Variants in ATAD5 observed in about 807,000 individuals in gnomAD.
ATAD5 encodes the protein ATPase family AAA domain-containing protein 5.
A neutral mutation model predicts 176.9 loss-of-function variants in ATAD5; 58 were observed. The ratio of observed to expected loss-of-function variants is 0.33; its 90% CI spans 0.27 to 0.41. The LOEUF (loss-of-function observed/expected upper bound fraction) is 0.41, where lower values mean the gene tolerates loss of function less well. Among genes scored for constraint, ATAD5 ranks in the 10% least tolerant of loss-of-function variants. The pLI is 1.00. For missense variants in ATAD5, 1,789 were observed against 2,094.1 expected (o/e 0.85, Z 2.84); for synonymous variants, 640 against 712.6 (o/e 0.90, Z 1.62).
intron 11 of ATAD5, among the ~76,000 whole-genome samples, chr17:30,867,861 T>C (rs1253711260): frequency 1.3e-5 from 2 of 152,222 alleles, no homozygotes; most frequent in African/African-American, 4.8e-5. Flanking sequence ...TGCCTCCGCC[T>C]TCCAAAGTGC....
chr17:30,840,763 G>T lies in ATAD5; in HGVS notation c.2223G>T (p.Lys741Asn). 2.5e-6 allele frequency: 4 copies of T among 1,599,332 alleles called. No homozygotes were observed. In the South Asian group the frequency reaches 4.6e-5, roughly 18 times the overall value. The change falls in exon 4 of 23, where the codon AAG (lysine) becomes AAT (asparagine). Residue 741 changes from lysine (K) to asparagine (N), a missense_variant. By Grantham distance (94) the Lys-to-Asn change is moderately conservative. Coordinates refer to ENST00000321990, the MANE Select transcript of ATAD5 (RefSeq NM_024857.5). ...SSRHQTLPERKKLSETEDSVI... is the reference protein window; with the variant it reads ...SSRHQTLPERNKLSETEDSVI... ...GACATCAGACACTTCCTGAAAGGAA[G>T]AAATTGTCAGAAACAGAAGTAAGTA...
At chr17:30,879,303 C>G in intron 17 of ATAD5, 120 bp from the exon 18 acceptor site, 1 of 1,087,848 alleles carries the variant, frequency 9.2e-7, no homozygotes, top group Non-Finnish European at 1.3e-6. Flanking sequence ...CACCACAGCA[C>G]TAGGCAGTGG....
chr17:30,862,259 G>C (rs1907681616), intron 10 of ATAD5, among the ~76,000 whole-genome samples: 1 of 151,032 alleles, frequency 6.6e-6, no homozygotes, highest in Non-Finnish European at 1.5e-5. Flanking sequence ...GCTTGAACCT[G>C]GGAGGCGGAG....
chr17:30,870,178 T>C (rs2142399861), intron 14 of ATAD5, among the ~76,000 whole-genome samples: 1 of 152,390 alleles, frequency 6.6e-6, no homozygotes. Flanking sequence ...ATGTCAATTT[T>C]CTGTTGTTTC....
rs1032239094 is a variant in ATAD5 at position 30,874,670 on chromosome 17, G to A, written c.3608-1704G>A. On this transcript the variant is annotated intron_variant, in intron 14 of 22. Transcript: ENST00000321990. Reference sequence around the variant, plus strand: ...ATTTGAGATGGAGTCTTGGTCTGTCGCCCAGGCAGCAGTGCAGTGGAGCGA... The same window carrying A: ...ATTTGAGATGGAGTCTTGGTCTGTCACCCAGGCAGCAGTGCAGTGGAGCGA... Among the ~76,000 whole-genome samples, 161 of 143,642 alleles carry A rather than the reference G, an allele frequency of 1.1e-3. 1 individual carries two copies. Among genetic ancestry groups the A allele is most frequent in the Non-Finnish European group, 4.5e-4 (30 of 66,288 alleles). 94.2% of individuals were successfully genotyped at this position (143,642 alleles called of 152,430 possible).
intron 14 of ATAD5, among the ~76,000 whole-genome samples, chr17:30,870,174 A>G (rs914591401): frequency 2.6e-5 from 4 of 152,190 alleles, no homozygotes; most frequent in African/African-American, 9.6e-5. Flanking sequence ...TCTAATGTCA[A>G]TTTTCTGTTG....
rs762662304 is a variant in ATAD5 at position 30,856,943 on chromosome 17, A to G, written c.2636-12A>G. 4.5e-6 allele frequency: 7 copies of G among 1,560,480 alleles called. No homozygotes were observed. Among genetic ancestry groups the G allele is most frequent in the African/African-American group, 2.8e-5 (2 of 71,748 alleles). On this transcript the variant is annotated splice_polypyrimidine_tract_variant and intron_variant, in intron 7 of 22. Transcript: ENST00000321990. Reference sequence around the variant, plus strand: ...ATAAGGTTTATTAAGATATTTGTCTATTTTTCTTTAGGGTGTTGTTTGTGG... The same window carrying G: ...ATAAGGTTTATTAAGATATTTGTCTGTTTTTCTTTAGGGTGTTGTTTGTGG...
rs763728393 is a variant in ATAD5 at position 30,832,395 on chromosome 17, G to T, written c.48G>T (p.Val16=). The change falls in exon 1 of 23, where the codon GTG becomes GTT. Residue 16 remains valine, a synonymous_variant. Coordinates refer to ENST00000321990, the MANE Select transcript of ATAD5 (RefSeq NM_024857.5). ...CGGCTGCAGCTGCTCCGCCTCCCGT[G>T]AAGGACTGCGAGATTGAGGTGAGGT... ...AMAAAAAPPP[V]KDCEIEPCKK... The T allele has an allele frequency of 1.9e-6, 3 of 1,563,698 alleles. No individual in the cohort carries two copies. The South Asian group carries it at 3.5e-5, about 18-fold the overall frequency.
rs199612678 is a variant in ATAD5 at position 30,869,257 on chromosome 17, G to T, written c.3323G>T (p.Gly1108Val). The change falls in exon 13 of 23, where the codon GGT becomes GTT. Residue 1108 changes from glycine (G) to valine (V), a missense_variant. Coordinates refer to ENST00000321990, the MANE Select transcript of ATAD5 (RefSeq NM_024857.5). ...KRDEKHEDFS[G>V]GIDFKGSSDD... ...TTGAATAATTTTTCAGATTTCTCGG[G>T]TGGCATAGACTTTAAAGGCAGTTCA... 1.1e-4 allele frequency: 183 copies of T among 1,597,898 alleles called. No homozygotes were observed. The highest frequency in any genetic ancestry group is 1.4e-4 in the Non-Finnish European group (169 of 1,176,222).
At chr17:30,888,833 C>T (rs948742764) in intron 19 of ATAD5, among the ~76,000 whole-genome samples, 4 of 151,846 alleles carry the variant, frequency 2.6e-5, no homozygotes, top group African/African-American at 7.3e-5. Flanking sequence ...TTTGGAAGGC[C>T]GAGGCGGTTA....
chr17:30,886,372 T>TTTTATTTA (rs138195442), intron 18 of ATAD5, among the ~76,000 whole-genome samples: 182 of 146,560 alleles, frequency 1.2e-3, no homozygotes, highest in East Asian at 5.0e-3. Flanking sequence ...AATTGAATTA[T>TTTTATTTA]TTTATTTATT....
At chr17:30,878,121 GTTAAACAGTTACTCAAATCTGTAGT>G in intron 17 of ATAD5, 25 bp downstream of exon 17, 3 of 1,455,128 alleles carry the variant, frequency 2.1e-6, no homozygotes, top group Non-Finnish European at 2.9e-6. Flanking sequence ...TTTTACTTCA[GTTAAACAGTTACTCAAATCTGTAGT>G]TCATCTGCAG....
intron 18 of ATAD5, among the ~76,000 whole-genome samples, chr17:30,886,517 A>G (rs1448674871): frequency 6.6e-6 from 1 of 151,856 alleles, no homozygotes; most frequent in Non-Finnish European, 1.5e-5. Context: ...CTCCTGCTTC[A>G]GCCTCCCGAG....
intron 1 of ATAD5, among the ~76,000 whole-genome samples, chr17:30,833,490 A>G (rs1036189906): frequency 6.6e-6 from 1 of 152,256 alleles, no homozygotes; most frequent in Non-Finnish European, 1.5e-5. Context: ...AAAAGTAGCT[A>G]AAAGTAAGTT....
intron 21 of ATAD5, 35 bp from the exon 22 acceptor site, chr17:30,894,529 C>G (rs1246484581): frequency 6.3e-7 from 1 of 1,577,222 alleles, no homozygotes; most frequent in Non-Finnish European, 8.6e-7. Flanking sequence ...TTTTCTTGGG[C>G]ATTAAAAATT....
In ATAD5 at chr17:30,889,059, C is replaced by CA. The variant is rs58343790; in HGVS notation, c.4258+1704dup. Among the ~76,000 whole-genome samples, 617 of 82,104 alleles carry CA rather than the reference C, an allele frequency of 7.5e-3. 5 individuals are homozygous for CA. The highest frequency in any genetic ancestry group is 0.043 in the Middle Eastern group (5 of 116). The allele number at this position is 82,104 out of a possible 152,430, so 53.9% of individuals were successfully genotyped here. On this transcript the variant is annotated intron_variant, in intron 19 of 22. Transcript: ENST00000321990. ...TGGGCGACAGAGTGAGACTCTGTCT[C>CA]AAAAAAAAAAAAAAAAATTAAAAAA...
intron 10 of ATAD5, among the ~76,000 whole-genome samples, chr17:30,865,174 T>C (rs1456743191): frequency 7.1e-6 from 1 of 141,760 alleles, no homozygotes; most frequent in Non-Finnish European, 1.5e-5. Flanking sequence ...TGCACTTTAA[T>C]TTTTTTTTTT....
Position 30,878,031 on chromosome 17 carries a change from G to C in ATAD5, c.3947G>C (p.Gly1316Ala). The C allele has an allele frequency of 6.2e-7, 1 of 1,610,796 alleles. No individual in the cohort carries two copies. The highest frequency in any genetic ancestry group is 2.2e-5 in the East Asian group (1 of 44,652). ...EVDVIFDEDA[G>A]FLNAIKTFMA... ...GATGTAATTTTTGATGAAGATGCTG[G>C]GTTTTTGAATGCAATCAAAACATTC... The change falls in exon 17 of 23, where the codon GGG (glycine) becomes GCG (alanine). Residue 1316 changes from glycine (G) to alanine (A), a missense_variant. By Grantham distance (60) the Gly-to-Ala change is moderately conservative. Coordinates refer to ENST00000321990, the MANE Select transcript of ATAD5 (RefSeq NM_024857.5).
rs559713222 is a variant in ATAD5, at chr17:30,844,974, A to T, written c.2450+58A>T. ...TATTTTATAGAATGTATTTGTATTGATGTGTTTACTTTGATGAGAAAGCAT... is the reference window on the plus strand; with the variant it reads ...TATTTTATAGAATGTATTTGTATTGTTGTGTTTACTTTGATGAGAAAGCAT... On this transcript the variant is annotated intron_variant, in intron 6 of 22. Transcript: ENST00000321990. 5.8e-6 allele frequency: 8 copies of T among 1,379,480 alleles called. No individual in the cohort carries two copies. In the Admixed American group the frequency reaches 1.7e-4, roughly 29 times the overall value. 85.5% of individuals were successfully genotyped at this position (1,379,480 alleles called of 1,614,324 possible).
Sources: gnomAD v4.1 joint callset for allele counts (sites outside exome capture counted in the v4.1 genomes callset) on GRCh38, gnomAD v4.1.1 for gene constraint, MANE v1.5 for transcripts, NCBI Gene and HGNC (gene_info 2026-07-23, HGNC 2026-07-21) for gene names.